The following AMACR variants were observed in gnomAD, a reference collection of about 807,000 sequenced individuals.
AMACR encodes alpha-methylacyl-CoA racemase, also known as 2-methylacyl-CoA racemase.
Under a neutral mutation model 22.2 loss-of-function variants are expected in AMACR, and 18 were observed. That is an observed-to-expected ratio of 0.81 (90% CI 0.56 to 1.20). The LOEUF is 1.20. Ranked by LOEUF, AMACR falls within the 50% of genes most tolerant of loss-of-function variation. AMACR has a pLI of 0.00. For synonymous variants in AMACR, 213 were observed against 191.3 expected (o/e 1.11, Z -0.94); for missense variants, 499 against 490.6 (o/e 1.02, Z -0.16).
chr5:33,996,622 C>A, intron 4 of AMACR, among the ~76,000 whole-genome samples: 1 of 150,606 alleles, frequency 6.6e-6, no homozygotes, highest in African/African-American at 2.5e-5. Flanking sequence ...TCTATTTCGA[C>A]CAAAAATAAA....
At position 34,005,740 on chromosome 5, in the gene AMACR, T is replaced by C; in HGVS notation, c.391+16A>G. 1 of 1,612,318 alleles carries C rather than the reference T, an allele frequency of 6.2e-7. No individual in the cohort carries two copies. Among genetic ancestry groups the C allele is most frequent in the South Asian group, 1.1e-5 (1 of 90,986 alleles). ...GAATAAATTAAAAGTGTAGACTAAA[T>C]TTTTTTTCAACATACCTGACAAAGC... is the stretch of plus-strand genomic sequence containing the variant. On this transcript the variant is annotated intron_variant, in intron 2 of 4. Transcript: ENST00000335606.
At position 33,988,953 on chromosome 5, in the gene AMACR, CAG is replaced by C. The variant is rs1753382400; in HGVS notation, c.*138_*139del. The C allele has an allele frequency of 2.0e-6, 3 of 1,492,782 alleles. No homozygotes were observed. The highest frequency in any genetic ancestry group is 2.7e-6 in the Non-Finnish European group (3 of 1,124,710). 92.5% of individuals were successfully genotyped at this position (1,492,782 alleles called of 1,614,324 possible). A position where few individuals can be genotyped will look rare whatever the true frequency, so the allele number is the denominator to read the frequency against. On this transcript the variant is annotated 3_prime_UTR_variant, in exon 5 of 5. Coordinates refer to ENST00000335606, the MANE Select transcript of AMACR (RefSeq NM_014324.6). Reference sequence around the variant, plus strand: ...TAGAATTCAATCATCACTGTAGAATCAGAGTCTGTAATTCTTTTCTTGATTAG... The same window carrying C: ...TAGAATTCAATCATCACTGTAGAATCAGTCTGTAATTCTTTTCTTGATTAG...
At position 34,005,760 on chromosome 5, in the gene AMACR, C is replaced by G. The variant is rs917667584; in HGVS notation, c.387G>C (p.Leu129Phe). The change falls in exon 2 of 5, where the codon TTG becomes TTC. Residue 129 changes from leucine (L) to phenylalanine (F), a missense_variant. Transcript: ENST00000335606. The stretch of plus-strand genomic sequence containing the variant: ...CTAAATTTTTTTTCAACATACCTGA[C>G]AAAGCCAAATAGTTGATATCGTGGC... ...LAGHDINYLA[L>F]SGVLSKIGRS... 9.9e-6 allele frequency: 16 copies of G among 1,613,858 alleles called. No individual in the cohort carries two copies. The highest frequency in any genetic ancestry group is 2.2e-5 in the South Asian group (2 of 91,088).
intron 4 of AMACR, among the ~76,000 whole-genome samples, chr5:33,992,840 G>A (rs751266912): frequency 7.2e-5 from 11 of 151,816 alleles, no homozygotes; most frequent in African/African-American, 1.2e-4. Flanking sequence ...TTTAAAATCC[G>A]TATTGCTTTT....
intron 3 of AMACR, among the ~76,000 whole-genome samples, chr5:34,001,335 C>A (rs143421259): frequency 4.2e-4 from 64 of 152,264 alleles, no homozygotes; most frequent in African/African-American, 1.5e-3. Context: ...GACTTATGGA[C>A]GGAAAATGAT....
rs1184567595 is a variant in AMACR at position 33,987,699 on chromosome 5, T to G, written c.*1394A>C. The G allele has an allele frequency of 6.6e-6, 1 of 152,230 alleles. No homozygotes were observed. Among genetic ancestry groups the G allele is most frequent in the Non-Finnish European group, 1.5e-5 (1 of 68,040 alleles). 9.4% of individuals were successfully genotyped at this position (152,230 alleles called of 1,614,324 possible). A position where few individuals can be genotyped will look rare whatever the true frequency, so the allele number is the denominator to read the frequency against. ...TGAGGGCAGCAGTGTCCAATCTCAT[T>G]CCAGGTGAGAAGTTGCACAGTGTCC... On this transcript the variant is annotated 3_prime_UTR_variant, in exon 5 of 5. Transcript: ENST00000335606.
Position 33,998,743 on chromosome 5 carries a change from A to G in AMACR, c.637T>C (p.Leu213=), listed in dbSNP as rs990204589. Residue 213 remains leucine (L), a synonymous_variant, in exon 4 of 5, where the codon TTG becomes CTG. Transcript: ENST00000335606. ...LWEAPRGQNM[L]DGGAPFYTTY... ...GTATAGAAAGGTGCTCCACCATCCA[A>G]CATGTTCTGTCCTCGAGGTGCTTCC... 8.1e-6 allele frequency: 13 copies of G among 1,614,170 alleles called. No individual in the cohort carries two copies. The South Asian group carries it at 8.8e-5, about 11-fold the overall frequency.
intron 4 of AMACR, among the ~76,000 whole-genome samples, chr5:33,992,937 C>A (rs1753527964): frequency 6.6e-6 from 1 of 151,954 alleles, no homozygotes; most frequent in South Asian, 2.1e-4. Flanking sequence ...CCATTTCAGC[C>A]ATTTTTTGGT....
chr5:34,000,282 C>T (rs1296456847), intron 3 of AMACR, among the ~76,000 whole-genome samples: 3 of 152,106 alleles, frequency 2.0e-5, no homozygotes, highest in Non-Finnish European at 2.9e-5. Context: ...ATCAATAGGG[C>T]GGTAATAGAT....
intron 3 of AMACR, 122 bp downstream of exon 3, chr5:34,004,452 A>C: frequency 7.9e-7 from 1 of 1,268,866 alleles, no homozygotes; most frequent in East Asian, 2.3e-5. Flanking sequence ...TATCCTTGGT[A>C]ACCTGGCTTG....
At position 33,987,469 on chromosome 5, in the gene AMACR, G is replaced by C. The variant is rs1429925001; in HGVS notation, c.*1624C>G. ...AGAGTGACCTCACAAGAGTATCTCA[G>C]AATATTTAAAAATTTGAACACACAA... On this transcript the variant is annotated 3_prime_UTR_variant, in exon 5 of 5. Coordinates refer to ENST00000335606, the MANE Select transcript of AMACR (RefSeq NM_014324.6). 6.6e-6 allele frequency: 1 copy of C among 152,196 alleles called. No homozygotes were observed. Among genetic ancestry groups the C allele is most frequent in the South Asian group, 2.1e-4 (1 of 4,838 alleles). The allele number at this position is 152,196 out of a possible 1,614,324, so 9.4% of individuals were successfully genotyped here.
At chr5:34,002,470 C>T (rs1753846721) in intron 3 of AMACR, among the ~76,000 whole-genome samples, 1 of 152,172 alleles carries the variant, frequency 6.6e-6, no homozygotes, top group African/African-American at 2.4e-5. Context: ...CCCAAGACTC[C>T]ATGTTTGCTC....
chr5:34,003,693 A>C (rs575505925), intron 3 of AMACR, among the ~76,000 whole-genome samples: 1 of 152,196 alleles, frequency 6.6e-6, no homozygotes, highest in African/African-American at 2.4e-5. Flanking sequence ...CTGTCAGTCC[A>C]TTATCAATTC....
At position 33,988,482 on chromosome 5, in the gene AMACR, G is replaced by A. The variant is rs1165046071; in HGVS notation, c.*611C>T. 13 of 1,466,916 alleles carry A rather than the reference G, an allele frequency of 8.9e-6. No homozygotes were observed. The highest frequency in any genetic ancestry group is 5.7e-5 in the African/African-American group (4 of 70,486). 90.9% of individuals were successfully genotyped at this position (1,466,916 alleles called of 1,614,324 possible). On this transcript the variant is annotated 3_prime_UTR_variant, in exon 5 of 5. Coordinates refer to ENST00000335606, the MANE Select transcript of AMACR (RefSeq NM_014324.6). Reference sequence around the variant, plus strand: ...AACTGACTGTCCCTCTGGACTCTACGTAGTGAGCCAACACATTTCCTCATT... The same window carrying A: ...AACTGACTGTCCCTCTGGACTCTACATAGTGAGCCAACACATTTCCTCATT...
intron 4 of AMACR, among the ~76,000 whole-genome samples, chr5:33,990,201 G>A (rs1452823844): frequency 6.6e-6 from 1 of 152,168 alleles, no homozygotes; most frequent in Non-Finnish European, 1.5e-5. Flanking sequence ...TAAAATAAAA[G>A]AGCCCAAAAG....
chr5:34,005,137 A>G (rs923845922), intron 2 of AMACR, among the ~76,000 whole-genome samples: 3 of 152,244 alleles, frequency 2.0e-5, no homozygotes, highest in African/African-American at 7.2e-5. Context: ...ATGTGAAGAG[A>G]CAATTCTATA....
intron 4 of AMACR, among the ~76,000 whole-genome samples, chr5:33,998,245 T>C (rs763623923): frequency 6.6e-6 from 1 of 152,192 alleles, no homozygotes; most frequent in Non-Finnish European, 1.5e-5. Flanking sequence ...ACTTCTGACA[T>C]TGAAGTGCCA....
intron 2 of AMACR, among the ~76,000 whole-genome samples, chr5:34,005,106 AG>A (rs1337318297): frequency 1.3e-5 from 2 of 152,238 alleles, no homozygotes; most frequent in African/African-American, 4.8e-5. Flanking sequence ...AAGAAAAAAA[AG>A]GAATTTAATT....
intron 4 of AMACR, chr5:33,993,859 A>C (rs1753558064): frequency 3.1e-6 from 1 of 321,002 alleles, no homozygotes; most frequent in Non-Finnish European, 6.2e-6. Context: ...AGATCATGCC[A>C]CTGCACTCCA....
Sources: gnomAD v4.1 joint callset for allele counts (sites outside exome capture counted in the v4.1 genomes callset) on GRCh38, gnomAD v4.1.1 for gene constraint, MANE v1.5 for transcripts, NCBI Gene and HGNC (gene_info 2026-07-23, HGNC 2026-07-21) for gene names.